Variants in CSMD1 observed in about 807,000 individuals in gnomAD.
The protein encoded by CSMD1 is CUB and Sushi multiple domains 1.
CSMD1 carries 213 observed loss-of-function variants against 417.5 expected under a neutral mutation model. The observed-to-expected ratio is 0.51, with a 90% confidence interval of 0.46 to 0.57. CSMD1 has a LOEUF of 0.57. CSMD1 is among the 20% of genes least tolerant of loss of function. CSMD1 has a pLI of 0.00. For synonymous variants in CSMD1, 2,862 were observed against 1,736.8 expected (o/e 1.65, Z -16.11); for missense variants, 6,923 against 4,529.7 (o/e 1.53, Z -15.17).
intron 3 of CSMD1, among the ~76,000 whole-genome samples, chr8:4,065,037 G>T (rs944174133): frequency 6.6e-6 from 1 of 151,970 alleles, no homozygotes; most frequent in Non-Finnish European, 1.5e-5. Context: ...AATCTGAAAT[G>T]ATTAAAATGT....
At chr8:3,051,392 T>A (rs79416740) in intron 50 of CSMD1, among the ~76,000 whole-genome samples, 2 of 152,080 alleles carry the variant, frequency 1.3e-5, no homozygotes, top group African/African-American at 2.4e-5. Flanking sequence ...GAGCTAAACA[T>A]TGAGTCCACA....
At chr8:3,654,617 G>A (rs907606992) in intron 7 of CSMD1, among the ~76,000 whole-genome samples, 2 of 152,196 alleles carry the variant, frequency 1.3e-5, no homozygotes, top group Admixed American at 6.5e-5. Flanking sequence ...CTTTTTCAAA[G>A]CAGGGCAGCC....
intron 3 of CSMD1, among the ~76,000 whole-genome samples, chr8:4,070,476 G>A (rs902570998): frequency 1.3e-5 from 2 of 152,032 alleles, no homozygotes; most frequent in African/African-American, 4.8e-5. Context: ...TCCCACCTCA[G>A]CCTCCCGAGT....
intron 7 of CSMD1, among the ~76,000 whole-genome samples, chr8:3,696,239 G>A (rs562291335): frequency 6.6e-6 from 1 of 152,310 alleles, no homozygotes; most frequent in Non-Finnish European, 1.5e-5. Context: ...AGGCAATTTA[G>A]ACAGGCACAT....
chr8:3,662,543 T>C (rs1281421132), intron 7 of CSMD1, among the ~76,000 whole-genome samples: 1 of 152,242 alleles, frequency 6.6e-6, no homozygotes, highest in Non-Finnish European at 1.5e-5. Context: ...AAAATCCTTT[T>C]GGCTATATAC....
At chr8:4,974,067 C>A (rs1014964977) in intron 1 of CSMD1, among the ~76,000 whole-genome samples, 1 of 152,222 alleles carries the variant, frequency 6.6e-6, no homozygotes, top group Non-Finnish European at 1.5e-5. Flanking sequence ...GTTGCCCAGG[C>A]TGGAGAGTAG....
chr8:4,580,343 T>C (rs374709118), intron 2 of CSMD1, among the ~76,000 whole-genome samples: 5 of 152,302 alleles, frequency 3.3e-5, no homozygotes, highest in Admixed American at 1.3e-4. Flanking sequence ...CCCTGTATCA[T>C]ATATCTTTTT....
At chr8:3,992,844 C>A in intron 5 of CSMD1, among the ~76,000 whole-genome samples, 1 of 152,278 alleles carries the variant, frequency 6.6e-6, no homozygotes, top group East Asian at 1.9e-4. Context: ...GGTGGCACTG[C>A]AGCATTGCTG....
At chr8:4,017,740 G>A (rs1796590972) in intron 4 of CSMD1, among the ~76,000 whole-genome samples, 1 of 152,110 alleles carries the variant, frequency 6.6e-6, no homozygotes, top group African/African-American at 2.4e-5. Context: ...TGTGTGCATG[G>A]TACAAATGCT....
At chr8:4,621,048 A>G (rs952959408) in intron 2 of CSMD1, among the ~76,000 whole-genome samples, 1 of 152,092 alleles carries the variant, frequency 6.6e-6, no homozygotes, top group African/African-American at 2.4e-5. Context: ...TTTTTATCAT[A>G]TATTCGTCAG....
chr8:4,673,109 G>T (rs369421177), intron 1 of CSMD1, among the ~76,000 whole-genome samples: 1 of 152,116 alleles, frequency 6.6e-6, no homozygotes. Context: ...TGGTGACATG[G>T]CACACACACA....
At chr8:3,096,727 G>T in intron 47 of CSMD1, 122 bp downstream of exon 47, 2 of 706,600 alleles carry the variant, frequency 2.8e-6, no homozygotes, top group Non-Finnish European at 2.3e-6. Context: ...TTTTTTGTTT[G>T]CTTTGGGAAA....
intron 11 of CSMD1, among the ~76,000 whole-genome samples, chr8:3,483,831 C>T (rs144805039): frequency 1.3e-5 from 2 of 152,180 alleles, no homozygotes; most frequent in East Asian, 3.9e-4. Flanking sequence ...AAGGCTGAGT[C>T]AACTTTTAAA....
chr8:4,024,432 C>G (rs11994771), intron 4 of CSMD1, among the ~76,000 whole-genome samples: 25,679 of 152,044 alleles, frequency 0.17, 2,901 homozygotes, highest in African/African-American at 0.31. Context: ...AACTCTTCAA[C>G]CATGTTCATA....
intron 7 of CSMD1, among the ~76,000 whole-genome samples, chr8:3,625,043 C>T (rs1315718875): frequency 6.6e-6 from 1 of 151,518 alleles, no homozygotes; most frequent in South Asian, 2.1e-4. Context: ...TTTACAGCAT[C>T]CTACGAGACA....
intron 3 of CSMD1, among the ~76,000 whole-genome samples, chr8:4,271,984 G>A (rs1283452105): frequency 9.9e-5 from 15 of 151,958 alleles, no homozygotes. Flanking sequence ...CTATATAGAT[G>A]GATTTCACAT....
chr8:3,998,534 G>C (rs915638716), intron 4 of CSMD1, among the ~76,000 whole-genome samples: 1 of 152,196 alleles, frequency 6.6e-6, no homozygotes. Context: ...GCTCTTAAAA[G>C]AAATGGTTGT....
At chr8:4,152,152 T>A (rs1023494321) in intron 3 of CSMD1, among the ~76,000 whole-genome samples, 3 of 152,310 alleles carry the variant, frequency 2.0e-5, no homozygotes, top group Non-Finnish European at 2.9e-5. Context: ...TTGTTTGAAA[T>A]TGGATAATTT....
chr8:3,828,114 C>T (rs532242190), intron 5 of CSMD1, among the ~76,000 whole-genome samples: 9 of 152,142 alleles, frequency 5.9e-5, no homozygotes, highest in Non-Finnish European at 1.3e-4. Flanking sequence ...GTTAATAGCC[C>T]ATATGGCAGA....
Sources: gnomAD v4.1 joint callset for allele counts (sites outside exome capture counted in the v4.1 genomes callset) on GRCh38, gnomAD v4.1.1 for gene constraint, MANE v1.5 for transcripts, NCBI Gene and HGNC (gene_info 2026-07-23, HGNC 2026-07-21) for gene names.